Variants in MACROH2A1 observed in about 807,000 individuals in gnomAD.
MACROH2A1 encodes core histone macro-H2A.1.
A neutral mutation model predicts 31.6 loss-of-function variants in MACROH2A1; 2 were observed. The observed-to-expected ratio is 0.06, with a 90% CI of 0.03 to 0.20. The LOEUF is 0.20. Among genes scored for constraint, MACROH2A1 ranks in the 10% least tolerant of loss-of-function variants. MACROH2A1 has a pLI of 1.00. For synonymous variants in MACROH2A1, 169 were observed against 189.6 expected (o/e 0.89, Z 0.89); for missense variants, 230 against 474.0 (o/e 0.49, Z 4.78).
At chr5:135,345,869 G>A (rs1444527070) in intron 7 of MACROH2A1, 99 bp downstream of exon 7, 3 of 791,958 alleles carry the variant, frequency 3.8e-6, no homozygotes. Flanking sequence ...ATGCGGCTGT[G>A]CTGCCACACA....
chr5:135,350,758 A>G, intron 6 of MACROH2A1: 1 of 929,996 alleles, frequency 1.1e-6, no homozygotes, highest in Non-Finnish European at 1.8e-6. Context: ...TCAAAGGATC[A>G]AGCTGTCTGC....
intron 4 of MACROH2A1, among the ~76,000 whole-genome samples, chr5:135,363,287 C>T (rs1319680565): frequency 6.6e-6 from 1 of 152,168 alleles, no homozygotes; most frequent in Non-Finnish European, 1.5e-5. Flanking sequence ...ACTCCAGAGA[C>T]AAGCCATCAC....
At chr5:135,390,024 C>T (rs1766993029) in intron 1 of MACROH2A1, among the ~76,000 whole-genome samples, 2 of 152,212 alleles carry the variant, frequency 1.3e-5, no homozygotes, top group South Asian at 4.1e-4. Flanking sequence ...CATGTAATGC[C>T]CTAGAAATCT....
At chr5:135,356,867 A>G (rs933459277) in intron 5 of MACROH2A1, 2 of 152,200 alleles carry the variant, frequency 1.3e-5, no homozygotes, top group African/African-American at 4.8e-5. Context: ...ATAGTGCCTG[A>G]GTAGTATGTT....
chr5:135,396,870 C>T lies in MACROH2A1; in HGVS notation c.-34+2192G>A, dbSNP rs936447539. 7.2e-5 allele frequency among the ~76,000 whole-genome samples: 11 copies of T among 152,108 alleles called. No homozygotes were observed. The South Asian group carries it at 8.3e-4, about 11-fold the overall frequency. On this transcript the variant is annotated intron_variant, in intron 1 of 8. Coordinates refer to ENST00000511689, the MANE Select transcript of MACROH2A1 (RefSeq NM_138610.3). ...GTTTGGTCCAAGCAAACAAGCTATA[C>T]AACTCTTTGGAATGAAGAGTTGACT...
chr5:135,369,381 C>A lies in MACROH2A1; in HGVS notation c.477+25G>T, dbSNP rs140237186. ...ATCCGTACCCCATCCTATCCCACTT[C>A]ATACATTCTGGCCAAATCACATACC... On this transcript the variant is annotated intron_variant, in intron 4 of 8. Transcript: ENST00000511689. The surrounding 1 kb of genome is among the most constrained non-coding windows in gnomAD (Gnocchi z 4.3). 1.0e-4 allele frequency: 164 copies of A among 1,596,978 alleles called. 1 individual carries two copies. The African/African-American group carries it at 2.0e-3, about 20-fold the overall frequency.
At chr5:135,395,266 C>A (rs1767810403) in intron 1 of MACROH2A1, among the ~76,000 whole-genome samples, 1 of 152,164 alleles carries the variant, frequency 6.6e-6, no homozygotes, top group Non-Finnish European at 1.5e-5. Flanking sequence ...CTTAAACAAT[C>A]AGGGCACTCA....
intron 1 of MACROH2A1, among the ~76,000 whole-genome samples, chr5:135,392,392 C>T (rs866512282): frequency 1.3e-5 from 2 of 152,174 alleles, no homozygotes; most frequent in South Asian, 2.1e-4. Context: ...TCCAATAAAG[C>T]GGCCTCAAGT....
At chr5:135,342,025 G>GTTAT (rs1467390184) in intron 8 of MACROH2A1, among the ~76,000 whole-genome samples, 1 of 152,256 alleles carries the variant, frequency 6.6e-6, no homozygotes, top group Non-Finnish European at 1.5e-5. Context: ...AGAACCCCAG[G>GTTAT]TTATGGCTCC....
chr5:135,381,585 A>G (rs1765656226), intron 2 of MACROH2A1, among the ~76,000 whole-genome samples: 1 of 152,172 alleles, frequency 6.6e-6, no homozygotes, highest in Non-Finnish European at 1.5e-5. Context: ...AGTGCACTCC[A>G]GCCTGGACAA....
chr5:135,368,423 A>G (rs1763787183), intron 4 of MACROH2A1, among the ~76,000 whole-genome samples: 1 of 152,240 alleles, frequency 6.6e-6, no homozygotes. Flanking sequence ...ACACTGCATC[A>G]TTAGATTCCA....
At chr5:135,351,500 C>T (rs1306981209) in intron 6 of MACROH2A1, 1 of 147,876 alleles carries the variant, frequency 6.8e-6, no homozygotes, top group African/African-American at 2.5e-5. Context: ...AATATTTTTC[C>T]AGGCCCATCT....
intron 4 of MACROH2A1, among the ~76,000 whole-genome samples, chr5:135,363,314 G>T (rs541209307): frequency 9.2e-5 from 14 of 152,292 alleles, no homozygotes; most frequent in Middle Eastern, 3.4e-3. Flanking sequence ...GTCCTATATA[G>T]CCTGCCCACT....
intron 1 of MACROH2A1, among the ~76,000 whole-genome samples, chr5:135,397,576 G>A (rs535315957): frequency 2.0e-5 from 3 of 152,304 alleles, no homozygotes; most frequent in South Asian, 4.2e-4. Flanking sequence ...AAAACTAGAA[G>A]GGGGAAGAAT....
rs1218589380 is a variant in MACROH2A1, at chr5:135,369,378, C to T, written c.477+28G>A. 1.3e-6 allele frequency: 2 copies of T among 1,592,380 alleles called. No individual in the cohort carries two copies. Among genetic ancestry groups the T allele is most frequent in the African/African-American group, 2.7e-5 (2 of 74,384 alleles). On this transcript the variant is annotated intron_variant, in intron 4 of 8. Transcript: ENST00000511689. This position sits in a 1 kb window ranked among gnomAD's most constrained non-coding sequence, Gnocchi z 4.3. ...TTTATCCGTACCCCATCCTATCCCA[C>T]TTCATACATTCTGGCCAAATCACAT...
At chr5:135,395,180 A>T (rs991466042) in intron 1 of MACROH2A1, among the ~76,000 whole-genome samples, 12 of 152,174 alleles carry the variant, frequency 7.9e-5, no homozygotes, top group African/African-American at 2.7e-4. Context: ...TCAGTACCAT[A>T]GACTGCAGGA....
At position 135,398,267 on chromosome 5, in the gene MACROH2A1, C is replaced by A. The variant is rs939719760; in HGVS notation, c.-34+795G>T. On this transcript the variant is annotated intron_variant, in intron 1 of 8. Transcript: ENST00000511689. The surrounding 1 kb of genome is among the most constrained non-coding windows in gnomAD (Gnocchi z 4.6). ...GACACTGCCAGCAGCATCCTGCACA[C>A]TCACCTCCCCACTCCACCCCACCCC... Among the ~76,000 whole-genome samples the A allele has an allele frequency of 1.3e-5, 2 of 152,184 alleles. No individual in the cohort carries two copies. Among genetic ancestry groups the A allele is most frequent in the East Asian group, 1.9e-4 (1 of 5,190 alleles).
chr5:135,380,766 A>G (rs758189960), intron 2 of MACROH2A1, among the ~76,000 whole-genome samples: 1 of 152,182 alleles, frequency 6.6e-6, no homozygotes, highest in East Asian at 1.9e-4. Context: ...GTATTTTTGC[A>G]TTTTATTTTC....
chr5:135,372,450 G>A (rs1764288558), intron 2 of MACROH2A1, among the ~76,000 whole-genome samples: 1 of 152,218 alleles, frequency 6.6e-6, no homozygotes, highest in Admixed American at 6.5e-5. Context: ...AGTGGAGGAG[G>A]GAGATGGCCA....
Sources: gnomAD v4.1 joint callset for allele counts (sites outside exome capture counted in the v4.1 genomes callset) on GRCh38, gnomAD v4.1.1 for gene constraint, Gnocchi (gnomAD v3.1) non-coding constraint, MANE v1.5 for transcripts, NCBI Gene and HGNC (gene_info 2026-07-23, HGNC 2026-07-21) for gene names.